Variants in PSD3 observed in about 807,000 individuals in gnomAD.
PSD3 encodes the protein PH and SEC7 domain-containing protein 3.
Under a neutral mutation model 105.5 loss-of-function variants are expected in PSD3, and 49 were observed. The ratio of observed to expected loss-of-function variants is 0.46; its 90% CI spans 0.37 to 0.59. PSD3 has a LOEUF of 0.59. PSD3 is among the 20% of genes least tolerant of loss of function. PSD3 has a pLI of 0.00. For missense variants in PSD3, 1,561 were observed against 1,263.8 expected, an observed-to-expected ratio of 1.24 and a Z score of -3.57; for synonymous variants, 557 against 457.8, an observed-to-expected ratio of 1.22 and a Z score of -2.77.
At chr8:18,933,452 G>C (rs1422842536) in intron 2 of PSD3, among the ~76,000 whole-genome samples, 1 of 151,916 alleles carries the variant, frequency 6.6e-6, no homozygotes, top group Non-Finnish European at 1.5e-5. Flanking sequence ...CTATGCCAAG[G>C]AGTTTTATTT....
intron 1 of PSD3, among the ~76,000 whole-genome samples, chr8:18,962,894 T>C (rs1040236479): frequency 2.0e-5 from 3 of 152,224 alleles, no homozygotes; most frequent in African/African-American, 7.2e-5. Context: ...AGGCCATTGG[T>C]GGAACCAAGA....
chr8:18,619,251 T>G (rs929069060), intron 11 of PSD3, among the ~76,000 whole-genome samples: 1 of 152,234 alleles, frequency 6.6e-6, no homozygotes, highest in Non-Finnish European at 1.5e-5. Flanking sequence ...CACTTCCTTT[T>G]CAAGTTCAGG....
chr8:18,716,691 G>A (rs1352796178), intron 9 of PSD3, among the ~76,000 whole-genome samples: 1 of 152,178 alleles, frequency 6.6e-6, no homozygotes, highest in African/African-American at 2.4e-5. Context: ...GGAATAACAT[G>A]TTCTGAATAA....
At chr8:19,060,742 C>A (rs1229232015) in intron 1 of PSD3, among the ~76,000 whole-genome samples, 1 of 152,198 alleles carries the variant, frequency 6.6e-6, no homozygotes, top group African/African-American at 2.4e-5. Context: ...CTGTTTTCCA[C>A]TGACAGGATG....
chr8:18,574,232 A>C (rs1009464306), intron 13 of PSD3, among the ~76,000 whole-genome samples: 35 of 151,920 alleles, frequency 2.3e-4, no homozygotes, highest in African/African-American at 8.2e-4. Flanking sequence ...ACCTGAGACC[A>C]CTCTAAATGT....
At chr8:18,760,890 G>A (rs150376501) in intron 9 of PSD3, among the ~76,000 whole-genome samples, 1 of 152,032 alleles carries the variant, frequency 6.6e-6, no homozygotes, top group East Asian at 1.9e-4. Flanking sequence ...CTCTCCATTA[G>A]GAAGGCACAT....
rs374939872 is a variant in PSD3 at position 18,751,838 on chromosome 8, G to A, written c.2172+13611C>T. On this transcript the variant is annotated intron_variant, in intron 9 of 15. Coordinates refer to ENST00000327040, the MANE Select transcript of PSD3 (RefSeq NM_015310.4). The stretch of plus-strand genomic sequence containing the variant: ...GATCTGTAACTACTCATTTTACTCT[G>A]CCACACAGCCTTCCATGACATTCAG... 3.4e-5 allele frequency among the ~76,000 whole-genome samples: 5 copies of A among 148,880 alleles called. No individual in the cohort carries two copies. In the East Asian group the frequency reaches 5.9e-4, roughly 17 times the overall value.
At position 19,013,663 on chromosome 8, in the gene PSD3, G is replaced by T; in HGVS notation, c.-80C>A. On this transcript the variant is annotated 5_prime_UTR_variant, in exon 1 of 16. Transcript: ENST00000327040. ...GCAGCCTCAGGGCGCGAGTGCCGGC[G>T]GCCAGCGCCGCGTGCTCTTTGTTGA... The T allele has an allele frequency of 1.7e-6, 2 of 1,177,278 alleles. No individual in the cohort carries two copies. Among genetic ancestry groups the T allele is most frequent in the Non-Finnish European group, 2.1e-6 (2 of 945,096 alleles). The allele number at this position is 1,177,278 out of a possible 1,614,324, so 72.9% of individuals were successfully genotyped here.
At chr8:18,975,321 T>TAAAA (rs746746439) in intron 1 of PSD3, among the ~76,000 whole-genome samples, 16,273 of 151,660 alleles carry the variant, frequency 0.11, 1,097 homozygotes, top group Non-Finnish European at 0.15. Flanking sequence ...GAAATTTTTT[T>TAAAA]TTTTTTTTTT....
intron 4 of PSD3, among the ~76,000 whole-genome samples, chr8:18,823,956 G>A (rs534554706): frequency 6.6e-5 from 10 of 152,216 alleles, no homozygotes; most frequent in African/African-American, 2.2e-4. Context: ...GAGGCGGGAG[G>A]ATTGCTCAAG....
intron 6 of PSD3, among the ~76,000 whole-genome samples, chr8:18,802,771 G>C (rs1050925084): frequency 6.6e-6 from 1 of 152,130 alleles, no homozygotes; most frequent in East Asian, 1.9e-4. Context: ...TTTATAAATA[G>C]TGTTGAAAAT....
chr8:18,828,812 C>CA (rs1460763396), intron 4 of PSD3, among the ~76,000 whole-genome samples: 1 of 151,294 alleles, frequency 6.6e-6, no homozygotes, highest in Non-Finnish European at 1.5e-5. Context: ...AACAAACAAA[C>CA]AAAAAATTGG....
At chr8:18,676,922 C>A (rs1037692667) in intron 9 of PSD3, among the ~76,000 whole-genome samples, 3 of 152,208 alleles carry the variant, frequency 2.0e-5, no homozygotes, top group East Asian at 3.9e-4. Flanking sequence ...ATTTCCATTA[C>A]ATGGGAAGCC....
At chr8:18,881,174 G>T (rs987770232) in intron 2 of PSD3, among the ~76,000 whole-genome samples, 29 of 152,114 alleles carry the variant, frequency 1.9e-4, no homozygotes, top group African/African-American at 6.8e-4. Context: ...TAAACCCACT[G>T]ATTTTTTAAA....
intron 2 of PSD3, among the ~76,000 whole-genome samples, chr8:18,886,390 C>T (rs761805463): frequency 2.0e-4 from 30 of 152,086 alleles, no homozygotes; most frequent in Non-Finnish European, 3.7e-4. Flanking sequence ...ATGGTTGGCG[C>T]GGGCATCCCC....
intron 2 of PSD3, among the ~76,000 whole-genome samples, chr8:18,908,663 C>G (rs1327095807): frequency 6.6e-6 from 1 of 152,182 alleles, no homozygotes; most frequent in African/African-American, 2.4e-5. Flanking sequence ...AACAAGTCAT[C>G]TGTTCATGAG....
chr8:18,594,329 TTATAA>T (rs1158373776), intron 12 of PSD3, among the ~76,000 whole-genome samples: 5 of 33,494 alleles, frequency 1.5e-4, no homozygotes, highest in Non-Finnish European at 2.3e-4. Flanking sequence ...ATAATATATA[TTATAA>T]TATATAATAT....
intron 9 of PSD3, among the ~76,000 whole-genome samples, chr8:18,700,677 G>T (rs979838755): frequency 1.3e-5 from 2 of 152,174 alleles, no homozygotes; most frequent in Non-Finnish European, 2.9e-5. Flanking sequence ...CCATCACACT[G>T]AAGACCAATA....
At chr8:18,549,706 C>G (rs748221544) in intron 15 of PSD3, among the ~76,000 whole-genome samples, 1 of 152,174 alleles carries the variant, frequency 6.6e-6, no homozygotes, top group East Asian at 1.9e-4. Context: ...AATGTAGCTG[C>G]TAGAAAATTT....
Sources: allele counts gnomAD v4.1 joint callset (sites outside exome capture counted in the v4.1 genomes callset), GRCh38; gene constraint gnomAD v4.1.1; transcripts MANE v1.5; gene names NCBI Gene and HGNC (gene_info 2026-07-23, HGNC 2026-07-21).